Variants in KIAA1217 observed in about 807,000 individuals in gnomAD.
KIAA1217 encodes KIAA1217, also known as sickle tail protein homolog.
KIAA1217 carries 88 observed loss-of-function variants against 163.9 expected under a neutral mutation model. The observed-to-expected ratio is 0.54, with a 90% confidence interval of 0.45 to 0.64. KIAA1217 has a LOEUF of 0.64. Ranked by LOEUF, KIAA1217 falls within the 30% of genes least tolerant of loss-of-function variation. KIAA1217 has a pLI of 0.00. For missense variants in KIAA1217, 2,372 were observed against 2,475.0 expected (o/e 0.96, Z 0.88); for synonymous variants, 903 against 923.1 (o/e 0.98, Z 0.39).
At chr10:24,340,357 A>G (rs2046926501) in intron 2 of KIAA1217, among the ~76,000 whole-genome samples, 2 of 152,058 alleles carry the variant, frequency 1.3e-5, no homozygotes, top group Admixed American at 6.6e-5. Context: ...ACGAGATCTG[A>G]TGGTCTGATA....
At chr10:24,522,066 T>C in intron 12 of KIAA1217, 137 bp downstream of exon 12, 1 of 943,610 alleles carries the variant, frequency 1.1e-6, no homozygotes, top group Non-Finnish European at 1.5e-6. Flanking sequence ...CCCAAGTCCT[T>C]CTCACCCTTG....
chr10:23,814,604 G>A (rs369126643), intron 1 of KIAA1217, among the ~76,000 whole-genome samples: 3 of 152,062 alleles, frequency 2.0e-5, no homozygotes, highest in Non-Finnish European at 2.9e-5. Flanking sequence ...TGGAAGAAAC[G>A]TTTCAGTTTT....
intron 1 of KIAA1217, among the ~76,000 whole-genome samples, chr10:23,897,548 T>G (rs570317912): frequency 6.6e-6 from 1 of 152,154 alleles, no homozygotes; most frequent in South Asian, 2.1e-4. Context: ...CATCCACGAA[T>G]TTGACCTGCT....
At chr10:24,334,292 C>T (rs2046053115) in intron 2 of KIAA1217, among the ~76,000 whole-genome samples, 1 of 152,042 alleles carries the variant, frequency 6.6e-6, no homozygotes, top group South Asian at 2.1e-4. Flanking sequence ...ATAGTTCCAG[C>T]TACTTGGGAG....
chr10:24,535,568 A>G (rs553060825), intron 16 of KIAA1217, among the ~76,000 whole-genome samples: 276 of 152,328 alleles, frequency 1.8e-3, no homozygotes, highest in Non-Finnish European at 2.2e-3. Context: ...TGAGGTCAGC[A>G]GTTTGAGACC....
chr10:24,376,577 A>G (rs1232679616), intron 2 of KIAA1217, among the ~76,000 whole-genome samples: 2 of 152,198 alleles, frequency 1.3e-5, no homozygotes, highest in Non-Finnish European at 2.9e-5. Flanking sequence ...AGCCTGGGCA[A>G]CAAAGTGAGA....
intron 2 of KIAA1217, among the ~76,000 whole-genome samples, chr10:24,053,204 TA>T (rs138457919): frequency 0.023 from 3,492 of 152,272 alleles, 119 homozygotes; most frequent in African/African-American, 0.08. Flanking sequence ...AAACTATAAG[TA>T]AGTAAATAAT....
chr10:23,732,803 G>A (rs1347495323), intron 1 of KIAA1217, among the ~76,000 whole-genome samples: 4 of 151,840 alleles, frequency 2.6e-5, no homozygotes, highest in Non-Finnish European at 5.9e-5. Context: ...CATTACTTTT[G>A]TTGTACCTCA....
chr10:24,040,748 T>C (rs1193867118), intron 2 of KIAA1217, among the ~76,000 whole-genome samples: 2 of 152,298 alleles, frequency 1.3e-5, no homozygotes, highest in Non-Finnish European at 2.9e-5. Flanking sequence ...GAGTGAAGAA[T>C]TGATTTTGTA....
At position 24,052,214 on chromosome 10, in the gene KIAA1217, C is replaced by T. The variant is rs1193426175; in HGVS notation, c.-171+44840C>T. On this transcript the variant is annotated intron_variant, in intron 2 of 18. Transcript: ENST00000376462. ...TGTAACTAAGTTATAATCAGGGATC[C>T]TTTAATGCTGATAACATGTGAGCAG... Among the ~76,000 whole-genome samples, 6 of 152,044 alleles carry T rather than the reference C, an allele frequency of 3.9e-5. No homozygotes were observed. The East Asian group carries it at 1.2e-3, about 29-fold the overall frequency.
At chr10:24,404,909 T>C (rs1408827919) in intron 3 of KIAA1217, among the ~76,000 whole-genome samples, 1 of 152,202 alleles carries the variant, frequency 6.6e-6, no homozygotes, top group African/African-American at 2.4e-5. Flanking sequence ...ATTCCACTGA[T>C]ACAAAACATT....
chr10:23,853,219 A>T (rs1170607029), intron 1 of KIAA1217, among the ~76,000 whole-genome samples: 2 of 152,148 alleles, frequency 1.3e-5, no homozygotes, highest in Admixed American at 1.3e-4. Context: ...AGTTTTTAGC[A>T]TGAAGAGTTG....
chr10:23,863,233 C>T (rs1000181161), intron 1 of KIAA1217, among the ~76,000 whole-genome samples: 9 of 152,100 alleles, frequency 5.9e-5, no homozygotes, highest in Non-Finnish European at 1.0e-4. Flanking sequence ...TGCATATTAA[C>T]GATTGTTACA....
chr10:24,123,714 G>GT (rs2063369497), intron 2 of KIAA1217, among the ~76,000 whole-genome samples: 1 of 152,138 alleles, frequency 6.6e-6, no homozygotes, highest in Non-Finnish European at 1.5e-5. Context: ...CTCGAAAATG[G>GT]TATTTGTGTA....
At chr10:23,760,255 A>T (rs1277331380) in intron 1 of KIAA1217, among the ~76,000 whole-genome samples, 1 of 152,142 alleles carries the variant, frequency 6.6e-6, no homozygotes, top group African/African-American at 2.4e-5. Flanking sequence ...CACTAGGCAT[A>T]TGAAGGGTGT....
intron 2 of KIAA1217, among the ~76,000 whole-genome samples, chr10:24,083,057 C>A (rs2061588093): frequency 6.6e-6 from 1 of 152,064 alleles, no homozygotes; most frequent in South Asian, 2.1e-4. Flanking sequence ...TGATAAGTGG[C>A]TTTTCATATC....
intron 1 of KIAA1217, among the ~76,000 whole-genome samples, chr10:24,211,051 A>G (rs987942705): frequency 4.6e-5 from 7 of 152,160 alleles, no homozygotes; most frequent in African/African-American, 1.7e-4. Flanking sequence ...GCAGTCCTGT[A>G]TCTTATCTGG....
At chr10:24,361,071 T>C (rs2049923974) in intron 2 of KIAA1217, among the ~76,000 whole-genome samples, 1 of 152,212 alleles carries the variant, frequency 6.6e-6, no homozygotes. Flanking sequence ...ATGACCCACA[T>C]AGAATACTTG....
chr10:23,706,767 C>T (rs1836912524), intron 1 of KIAA1217, among the ~76,000 whole-genome samples: 1 of 152,214 alleles, frequency 6.6e-6, no homozygotes, highest in East Asian at 1.9e-4. Context: ...CTTTCTCCTT[C>T]TATTTTTCAT....
Sources: allele counts gnomAD v4.1 joint callset (sites outside exome capture counted in the v4.1 genomes callset), GRCh38; gene constraint gnomAD v4.1.1; transcripts MANE v1.5; gene names NCBI Gene and HGNC (gene_info 2026-07-23, HGNC 2026-07-21).